The following JAM3 variants were observed in gnomAD, a reference collection of about 807,000 sequenced individuals.
JAM3 encodes the protein junctional adhesion molecule 3, also known as junctional adhesion molecule C.
In JAM3, 31 loss-of-function variants were observed where a neutral mutation model predicts 39.4. The ratio of observed to expected loss-of-function variants is 0.79; its 90% CI spans 0.59 to 1.06. The LOEUF (loss-of-function observed/expected upper bound fraction) is 1.06. JAM3 is among the 50% of genes least tolerant of loss of function. The pLI, the probability that JAM3 is intolerant of heterozygous loss-of-function variation, is 0.00. For missense variants in JAM3, 455 were observed against 391.4 expected (o/e 1.16, Z -1.37); for synonymous variants, 182 against 148.7 (o/e 1.22, Z -1.63).
intron 1 of JAM3, among the ~76,000 whole-genome samples, chr11:134,089,443 A>G (rs1941803141): frequency 6.6e-6 from 1 of 152,026 alleles, no homozygotes; most frequent in African/African-American, 2.4e-5. Context: ...ATATATCTCC[A>G]AATGCTATCC....
chr11:134,149,487 G>C lies in JAM3; in HGVS notation c.*306G>C. The C allele has an allele frequency of 1.9e-6, 1 of 529,696 alleles. No individual in the cohort carries two copies. Among genetic ancestry groups the C allele is most frequent in the Admixed American group, 2.7e-5 (1 of 36,844 alleles). The allele number at this position is 529,696 out of a possible 1,614,324, so 32.8% of individuals were successfully genotyped here. Reference sequence around the variant, plus strand: ...ATGAGTATTAGGGTGATCTTAAAGAGTTTGCTCACGTAAACGCCCGTGCTG... The same window carrying C: ...ATGAGTATTAGGGTGATCTTAAAGACTTTGCTCACGTAAACGCCCGTGCTG... On this transcript the variant is annotated 3_prime_UTR_variant, in exon 9 of 9. Transcript: ENST00000299106.
At chr11:134,115,423 T>TTTA (rs1942408825) in intron 1 of JAM3, among the ~76,000 whole-genome samples, 1 of 122,986 alleles carries the variant, frequency 8.1e-6, no homozygotes, top group African/African-American at 3.8e-5. Context: ...TCATCTGTTC[T>TTTA]TTGTTCTTTT....
intron 6 of JAM3, among the ~76,000 whole-genome samples, chr11:134,146,497 G>A (rs1943074402): frequency 6.6e-6 from 1 of 152,036 alleles, no homozygotes; most frequent in Non-Finnish European, 1.5e-5. Flanking sequence ...CCTAATGGAG[G>A]GGCGTTGAGA....
intron 1 of JAM3, among the ~76,000 whole-genome samples, chr11:134,089,909 G>A (rs1012445706): frequency 1.3e-5 from 2 of 152,324 alleles, no homozygotes; most frequent in African/African-American, 4.8e-5. Flanking sequence ...GATTGAACTA[G>A]TTTACAGTCC....
intron 3 of JAM3, 91 bp downstream of exon 3, chr11:134,140,861 T>A (rs1942961965): frequency 6.6e-7 from 1 of 1,504,678 alleles, no homozygotes; most frequent in African/African-American, 1.4e-5. Context: ...CTCAGACTGG[T>A]AACCTGCATC....
intron 6 of JAM3, 37 bp downstream of exon 6, chr11:134,146,082 T>A: frequency 7.6e-7 from 1 of 1,311,702 alleles, no homozygotes. Flanking sequence ...ATCGCAAGAC[T>A]GGGAAGTGAA....
chr11:134,114,421 C>A (rs1364813393), intron 1 of JAM3, among the ~76,000 whole-genome samples: 1 of 152,152 alleles, frequency 6.6e-6, no homozygotes, highest in Admixed American at 6.5e-5. Context: ...GTTTTCCCAG[C>A]ACCATTTATT....
chr11:134,111,230 G>A (rs1179285378), intron 1 of JAM3, among the ~76,000 whole-genome samples: 1 of 136,570 alleles, frequency 7.3e-6, no homozygotes, highest in Non-Finnish European at 1.5e-5. Context: ...TGCAAGCTTC[G>A]CCTCCTGGGT....
At chr11:134,073,077 C>G (rs1014275587) in intron 1 of JAM3, among the ~76,000 whole-genome samples, 34 of 152,302 alleles carry the variant, frequency 2.2e-4, no homozygotes, top group Non-Finnish European at 4.1e-4. Context: ...TAAGCACATT[C>G]TTTTACACCT....
Position 134,139,743 on chromosome 11 carries a change from G to GTGGTTAGTA in JAM3, c.77-107_77-99dup. 3 of 838,410 alleles carry GTGGTTAGTA rather than the reference G, an allele frequency of 3.6e-6. No homozygotes were observed. In the Admixed American group the frequency reaches 5.2e-5, roughly 15 times the overall value. The allele number at this position is 838,410 out of a possible 1,614,324, so 51.9% of individuals were successfully genotyped here. A position where few individuals can be genotyped will look rare whatever the true frequency, so the allele number is the denominator to read the frequency against. On this transcript the variant is annotated intron_variant, in intron 1 of 8. Transcript: ENST00000299106. ...ATTGTGGAATATTTTTCCATCCTCT[G>GTGGTTAGTA]TGGTTAGTAACCATAGCCTACGCAG...
intron 1 of JAM3, among the ~76,000 whole-genome samples, chr11:134,128,643 C>T (rs1249424375): frequency 2.6e-5 from 4 of 151,842 alleles, no homozygotes; most frequent in Admixed American, 2.6e-4. Context: ...TGCATGTGTG[C>T]TCTGTCTCTC....
chr11:134,144,735 T>C, intron 4 of JAM3, 57 bp from the exon 5 acceptor site: 1 of 1,470,136 alleles, frequency 6.8e-7, no homozygotes, highest in South Asian at 1.1e-5. Flanking sequence ...TTCTGGGCTT[T>C]AATAAGAATA....
intron 1 of JAM3, among the ~76,000 whole-genome samples, chr11:134,117,187 C>T (rs1942451449): frequency 6.6e-6 from 1 of 151,870 alleles, no homozygotes; most frequent in African/African-American, 2.4e-5. Context: ...GATGGTGAAA[C>T]CCTGTCTCTA....
At position 134,095,024 on chromosome 11, in the gene JAM3, G is replaced by A. The variant is rs567770833; in HGVS notation, c.76+25865G>A. The stretch of plus-strand genomic sequence containing the variant: ...TAGTGAATTCTGAAAGTCTAATGTA[G>A]TGAATGAAAGTGTAATATTGGGTTC... On this transcript the variant is annotated intron_variant, in intron 1 of 8. Transcript: ENST00000299106. Among the ~76,000 whole-genome samples the A allele has an allele frequency of 8.5e-5, 13 of 152,366 alleles. 1 individual carries two copies. Among genetic ancestry groups the A allele is most frequent in the Admixed American group, 8.5e-4 (13 of 15,306 alleles).
At chr11:134,108,485 A>G (rs1942244917) in intron 1 of JAM3, among the ~76,000 whole-genome samples, 1 of 152,234 alleles carries the variant, frequency 6.6e-6, no homozygotes, top group Admixed American at 6.5e-5. Context: ...CAAGAAATCT[A>G]CAGGCCAATT....
Position 134,073,782 on chromosome 11 carries a change from G to A in JAM3, c.76+4623G>A, listed in dbSNP as rs138592442. Among the ~76,000 whole-genome samples the A allele has an allele frequency of 7.4e-4, 113 of 152,226 alleles. 1 individual carries two copies. Among genetic ancestry groups the A allele is most frequent in the Non-Finnish European group, 9.7e-4 (66 of 68,000 alleles). ...AACAGAGGCTGAATTTAATTTTTTT[G>A]TATCTTTCCAGAGGTGATTCTAGTA... On this transcript the variant is annotated intron_variant, in intron 1 of 8. Transcript: ENST00000299106.
At chr11:134,109,177 G>C (rs183884756) in intron 1 of JAM3, among the ~76,000 whole-genome samples, 19 of 152,148 alleles carry the variant, frequency 1.2e-4, no homozygotes, top group Admixed American at 5.2e-4. Context: ...GGCCAGGCTG[G>C]TCTCAAACTC....
At chr11:134,145,573 C>T in intron 5 of JAM3, 1 of 344,792 alleles carries the variant, frequency 2.9e-6, no homozygotes, top group Non-Finnish European at 5.6e-6. Flanking sequence ...CTGGGAGGTA[C>T]CTTCTGATCT....
At chr11:134,133,245 T>G (rs1942800886) in intron 1 of JAM3, among the ~76,000 whole-genome samples, 1 of 152,210 alleles carries the variant, frequency 6.6e-6, no homozygotes, top group Admixed American at 6.5e-5. Flanking sequence ...CAAACAGAGA[T>G]AATTTTCCTA....
Sources: allele counts gnomAD v4.1 joint callset (sites outside exome capture counted in the v4.1 genomes callset), GRCh38; gene constraint gnomAD v4.1.1; transcripts MANE v1.5; gene names NCBI Gene and HGNC (gene_info 2026-07-23, HGNC 2026-07-21).